Variants in KIAA1958 observed in about 807,000 individuals in gnomAD.
KIAA1958 encodes uncharacterized protein KIAA1958.
KIAA1958 carries 14 observed loss-of-function variants against 47.2 expected under a neutral mutation model. The observed-to-expected ratio is 0.30, with a 90% CI of 0.20 to 0.46. The LOEUF (loss-of-function observed/expected upper bound fraction) is 0.46, where lower values mean the gene tolerates loss of function less well. KIAA1958 is among the 20% of genes least tolerant of loss of function. The pLI, the probability that KIAA1958 is intolerant of heterozygous loss-of-function variation, is 1.00. For missense variants in KIAA1958, 803 were observed against 909.2 expected, an observed-to-expected ratio of 0.88 and a Z score of 1.50; for synonymous variants, 354 against 353.3, an observed-to-expected ratio of 1.00 and a Z score of -0.02.
intron 1 of KIAA1958, among the ~76,000 whole-genome samples, chr9:112,556,270 G>A (rs1332696860): frequency 2.0e-5 from 3 of 152,210 alleles, no homozygotes; most frequent in Middle Eastern, 3.4e-3. Flanking sequence ...CTCAGCTTTC[G>A]GTTTCTCTCT....
At chr9:112,488,689 A>G (rs1322775044) in intron 1 of KIAA1958, among the ~76,000 whole-genome samples, 1 of 152,226 alleles carries the variant, frequency 6.6e-6, no homozygotes, top group Admixed American at 6.5e-5. Context: ...TATCATCTAA[A>G]CTTGAAGGAA....
chr9:112,578,852 A>G (rs924326202), intron 2 of KIAA1958, among the ~76,000 whole-genome samples: 3 of 152,172 alleles, frequency 2.0e-5, no homozygotes, highest in African/African-American at 4.8e-5. Context: ...TTAAATCTCT[A>G]TCGCATCATG....
intron 1 of KIAA1958, among the ~76,000 whole-genome samples, chr9:112,524,148 A>C (rs1303108547): frequency 6.6e-6 from 1 of 152,254 alleles, no homozygotes; most frequent in Non-Finnish European, 1.5e-5. Flanking sequence ...GGATCAATAC[A>C]GTTCTGAAAG....
rs769254498 is a variant in KIAA1958, at chr9:112,638,133, C to T, written c.1172-7517C>T. On this transcript the variant is annotated intron_variant, in intron 2 of 3. Transcript: ENST00000337530. Reference sequence around the variant, plus strand: ...CACTGCACTCCAGCCTGGGCAACAGCGAGAGACTCCATCTCAAAAAAATAA... The same window carrying T: ...CACTGCACTCCAGCCTGGGCAACAGTGAGAGACTCCATCTCAAAAAAATAA... Among the ~76,000 whole-genome samples the T allele has an allele frequency of 2.4e-4, 36 of 151,740 alleles. 1 individual carries two copies. The highest frequency in any genetic ancestry group is 1.6e-3 in the Admixed American group (24 of 15,236).
chr9:112,601,411 A>G (rs1299789981), intron 2 of KIAA1958, among the ~76,000 whole-genome samples: 1 of 152,166 alleles, frequency 6.6e-6, no homozygotes, highest in African/African-American at 2.4e-5. Flanking sequence ...TCTAAAGCTT[A>G]TTTGAAAGGA....
At chr9:112,542,865 A>G (rs2132825204) in intron 1 of KIAA1958, among the ~76,000 whole-genome samples, 1 of 152,328 alleles carries the variant, frequency 6.6e-6, no homozygotes, top group Non-Finnish European at 1.5e-5. Flanking sequence ...ACTGCATGAG[A>G]TTTAAGGACC....
intron 1 of KIAA1958, among the ~76,000 whole-genome samples, chr9:112,558,684 A>G (rs1213741824): frequency 6.6e-6 from 1 of 152,132 alleles, no homozygotes; most frequent in East Asian, 1.9e-4. Context: ...CTGACTCACC[A>G]TCTCTCATCT....
chr9:112,657,192 A>T (rs1467130828), intron 3 of KIAA1958, among the ~76,000 whole-genome samples: 1 of 151,856 alleles, frequency 6.6e-6, no homozygotes, highest in African/African-American at 2.4e-5. Context: ...GCCTCAAGCG[A>T]TTCTCCTGCC....
intron 2 of KIAA1958, among the ~76,000 whole-genome samples, chr9:112,641,979 C>T (rs746205201): frequency 2.6e-5 from 4 of 152,196 alleles, no homozygotes; most frequent in East Asian, 3.9e-4. Context: ...TTCAGGGGGA[C>T]GAGTAGGGAA....
At chr9:112,520,762 C>G (rs965802739) in intron 1 of KIAA1958, among the ~76,000 whole-genome samples, 1 of 152,112 alleles carries the variant, frequency 6.6e-6, no homozygotes, top group Non-Finnish European at 1.5e-5. Context: ...AAAATGGAAG[C>G]TAGAAATACT....
At chr9:112,540,084 C>A (rs1834915726) in intron 1 of KIAA1958, among the ~76,000 whole-genome samples, 1 of 152,140 alleles carries the variant, frequency 6.6e-6, no homozygotes, top group African/African-American at 2.4e-5. Context: ...TAAAGGAGTT[C>A]TCCAAGGTAC....
intron 1 of KIAA1958, among the ~76,000 whole-genome samples, chr9:112,522,387 T>C (rs1431831241): frequency 6.6e-6 from 1 of 152,222 alleles, no homozygotes; most frequent in African/African-American, 2.4e-5. Flanking sequence ...ACTCCAGCAA[T>C]AGTCACCCAG....
In KIAA1958 at chr9:112,582,722, GA is replaced by G. The variant is rs768292925; in HGVS notation, c.1171+7485del. On this transcript the variant is annotated intron_variant, in intron 2 of 3. Transcript: ENST00000337530. The stretch of plus-strand genomic sequence containing the variant: ...AGGGAGGAGAAACAGCAATAGCCCT[GA>G]AAAAAAAAAAAAACAGACAAAAAAA... 7.3e-3 allele frequency: 892 copies of G among 121,818 alleles called. 8 individuals are homozygous for G. The highest frequency in any genetic ancestry group is 0.021 in the African/African-American group (709 of 34,248). The allele number at this position is 121,818 out of a possible 1,614,324, so 7.5% of individuals were successfully genotyped here.
chr9:112,561,647 G>A (rs1247540025), intron 1 of KIAA1958, among the ~76,000 whole-genome samples: 3 of 152,100 alleles, frequency 2.0e-5, no homozygotes, highest in Admixed American at 1.3e-4. Context: ...CTGAGGTCAG[G>A]AATTTGAGAC....
rs114165477 is a variant in KIAA1958, at chr9:112,579,897, C to G, written c.1171+4646C>G. Among the ~76,000 whole-genome samples the G allele has an allele frequency of 3.8e-3, 585 of 152,340 alleles. 5 individuals are homozygous for G. Among genetic ancestry groups the G allele is most frequent in the African/African-American group, 0.014 (565 of 41,574 alleles). ...AATTGACTGCCTTATAGTCCAAGGACAGATTTTCAAACCAGCTTTCACTCA... is the reference window on the plus strand; with the variant it reads ...AATTGACTGCCTTATAGTCCAAGGAGAGATTTTCAAACCAGCTTTCACTCA... On this transcript the variant is annotated intron_variant, in intron 2 of 3. Coordinates refer to ENST00000337530, the MANE Select transcript of KIAA1958 (RefSeq NM_133465.4).
intron 1 of KIAA1958, among the ~76,000 whole-genome samples, chr9:112,494,056 C>T (rs550366459): frequency 1.3e-5 from 2 of 152,236 alleles, no homozygotes; most frequent in Non-Finnish European, 2.9e-5. Context: ...GTCCATAGGC[C>T]TTAGTTTGCT....
Position 112,542,959 on chromosome 9 carries a change from A to G in KIAA1958, c.-24-31098A>G, listed in dbSNP as rs895699817. On this transcript the variant is annotated intron_variant, in intron 1 of 3. Transcript: ENST00000337530. ...TAGTGTAGTTACCATGTGCAAAATG[A>G]TACAAGTTTAAGTTTACTCATAATA... Among the ~76,000 whole-genome samples the G allele has an allele frequency of 3.3e-5, 5 of 152,228 alleles. No homozygotes were observed. In the South Asian group the frequency reaches 8.3e-4, roughly 25 times the overall value.
rs773442119 is a variant in KIAA1958, at chr9:112,659,400, C to T, written c.1482C>T (p.Val494=). ...ACCGCATCCTGAAGAATGCAGGTGT[C>T]GGCTTTTCCATCACCAGCAGCACCT... The part of the protein sequence containing the change: ...GLDRILKNAG[V]GFSITSSTFS... The change falls in exon 4 of 4, where the codon GTC becomes GTT. Residue 494 remains valine, a synonymous_variant. Coordinates refer to ENST00000337530, the MANE Select transcript of KIAA1958 (RefSeq NM_133465.4). 5.6e-5 allele frequency: 91 copies of T among 1,614,076 alleles called. 1 individual carries two copies. Among genetic ancestry groups the T allele is most frequent in the Non-Finnish European group, 3.6e-5 (43 of 1,180,034 alleles).
At chr9:112,548,921 A>G (rs970563693) in intron 1 of KIAA1958, among the ~76,000 whole-genome samples, 4 of 152,230 alleles carry the variant, frequency 2.6e-5, no homozygotes, top group African/African-American at 9.6e-5. Flanking sequence ...AGGGAAGACC[A>G]TGTGAAGACA....
Sources: allele counts gnomAD v4.1 joint callset (sites outside exome capture counted in the v4.1 genomes callset), GRCh38; gene constraint gnomAD v4.1.1; transcripts MANE v1.5; gene names NCBI Gene and HGNC (gene_info 2026-07-23, HGNC 2026-07-21).